Variants in BDP1 observed in about 807,000 individuals in gnomAD.
BDP1 encodes transcription factor TFIIIB component B'' homolog.
BDP1 carries 169 observed loss-of-function variants against 266.6 expected under a neutral mutation model. The observed-to-expected ratio is 0.63, with a 90% CI of 0.56 to 0.72. BDP1 has a LOEUF of 0.72. Among genes scored for constraint, BDP1 ranks in the 30% least tolerant of loss-of-function variants. BDP1 has a pLI of 0.00. For synonymous variants in BDP1, 1,090 were observed against 1,022.4 expected (o/e 1.07, Z -1.26); for missense variants, 3,015 against 3,053.8 (o/e 0.99, Z 0.30).
Position 71,489,664 on chromosome 5 carries a change from A to G in BDP1, c.1474A>G (p.Lys492Glu), listed in dbSNP as rs749800882. ...ENATVQAGPS[K>E]GEKHKNKCQA... ...TGCCACTGTTCAGGCGGGTCCTTCT[A>G]AAGGAGAAAAACACAAGAGTAAGTT... The change falls in exon 10 of 39, where the codon AAA becomes GAA. Residue 492 changes from lysine (K) to glutamate (E), a missense_variant. Transcript: ENST00000358731. 4.0e-5 allele frequency: 64 copies of G among 1,606,216 alleles called. No individual in the cohort carries two copies. The highest frequency in any genetic ancestry group is 5.3e-5 in the Non-Finnish European group (63 of 1,178,128).
At position 71,464,054 on chromosome 5, in the gene BDP1, A is replaced by G. The variant is rs568147182; in HGVS notation, c.600-4A>G. ...TTAAAGATATTGTTATTTATGTTCA[A>G]TAGTTCTTCACTGGAACAAGAAAAG... On this transcript the variant is annotated splice_region_variant and splice_polypyrimidine_tract_variant and intron_variant, in intron 3 of 38. Coordinates refer to ENST00000358731, the MANE Select transcript of BDP1 (RefSeq NM_018429.3). The G allele has an allele frequency of 4.2e-5, 64 of 1,520,828 alleles. 1 individual carries two copies. The South Asian group carries it at 5.5e-4, about 13-fold the overall frequency. 94.2% of individuals were successfully genotyped at this position (1,520,828 alleles called of 1,614,324 possible). A position where few individuals can be genotyped will look rare whatever the true frequency, so the allele number is the denominator to read the frequency against.
the BDP1 span, among the ~76,000 whole-genome samples, chr5:71,573,188 A>G: frequency 6.6e-6 from 1 of 151,436 alleles, no homozygotes; most frequent in South Asian, 2.1e-4. Flanking sequence ...AGATCGTGCC[A>G]CCGCACTCCA....
At chr5:71,550,157 G>C (rs1742644135) in intron 34 of BDP1, among the ~76,000 whole-genome samples, 1 of 152,130 alleles carries the variant, frequency 6.6e-6, no homozygotes, top group African/African-American at 2.4e-5. Context: ...AGGCCAAGGT[G>C]GGCAGATCAC....
At chr5:71,530,769 T>C (rs1766196610) in intron 25 of BDP1, among the ~76,000 whole-genome samples, 2 of 152,206 alleles carry the variant, frequency 1.3e-5, no homozygotes, top group African/African-American at 4.8e-5. Context: ...ATGTGGTACA[T>C]ACAAATGTAA....
chr5:71,546,895 G>A (rs1184077751), intron 32 of BDP1, among the ~76,000 whole-genome samples: 1 of 151,968 alleles, frequency 6.6e-6, no homozygotes, highest in Non-Finnish European at 1.5e-5. Flanking sequence ...ACCCAGGCTG[G>A]AGTGCAGTGG....
chr5:71,565,027 A>G lies in BDP1; in HGVS notation c.*142A>G. The G allele has an allele frequency of 1.3e-6, 1 of 742,862 alleles. No individual in the cohort carries two copies. Among genetic ancestry groups the G allele is most frequent in the Non-Finnish European group, 2.1e-6 (1 of 473,576 alleles). 46.0% of individuals were successfully genotyped at this position (742,862 alleles called of 1,614,324 possible). A position where few individuals can be genotyped will look rare whatever the true frequency, so the allele number is the denominator to read the frequency against. On this transcript the variant is annotated 3_prime_UTR_variant, in exon 39 of 39. Transcript: ENST00000358731. ...TTGAATACTTAATGAGCTTGATTTG[A>G]AGCTTTTATAATCAGTGGAAAACAT...
At position 71,549,515 on chromosome 5, in the gene BDP1, A is replaced by G; in HGVS notation, c.6904A>G (p.Thr2302Ala). 1 of 1,614,166 alleles carries G rather than the reference A, an allele frequency of 6.2e-7. No individual in the cohort carries two copies. The highest frequency in any genetic ancestry group is 8.5e-7 in the Non-Finnish European group (1 of 1,180,018). ...EIPANAVEEF[T>A]DATAQFMPNP... is the part of the protein sequence containing the mutation. Reference sequence around the variant, plus strand: ...CCCAGCCAATGCAGTAGAAGAATTTACTGATGCCACTGCACAGTTCATGCC... The same window carrying G: ...CCCAGCCAATGCAGTAGAAGAATTTGCTGATGCCACTGCACAGTTCATGCC... The change falls in exon 34 of 39, where the codon ACT becomes GCT. Residue 2302 changes from threonine to alanine, a missense_variant. Thr to Ala is a moderately conservative substitution (Grantham distance 58, BLOSUM62 0). Around this residue, in one of 3 missense-constraint regions of BDP1, gnomAD observed 629 missense variants for 632.5 expected, o/e 0.99. Coordinates refer to ENST00000358731, the MANE Select transcript of BDP1 (RefSeq NM_018429.3).
chr5:71,460,646 G>A (rs1416126827), intron 2 of BDP1, among the ~76,000 whole-genome samples: 9 of 152,188 alleles, frequency 5.9e-5, no homozygotes, highest in African/African-American at 1.9e-4. Context: ...CCTGGAAGGC[G>A]GAGGTTGCAG....
At chr5:71,554,489 G>A (rs1194647436) in intron 35 of BDP1, among the ~76,000 whole-genome samples, 1 of 152,144 alleles carries the variant, frequency 6.6e-6, no homozygotes, top group Non-Finnish European at 1.5e-5. Context: ...TTAAAAGATA[G>A]ACTAGGTATA....
At chr5:71,516,716 A>G (rs1242116209) in intron 21 of BDP1, among the ~76,000 whole-genome samples, 1 of 152,186 alleles carries the variant, frequency 6.6e-6, no homozygotes, top group Non-Finnish European at 1.5e-5. Context: ...TTTTTGCTGT[A>G]TAACATGCTG....
intron 13 of BDP1, among the ~76,000 whole-genome samples, chr5:71,498,321 C>T (rs1170562492): frequency 6.6e-6 from 1 of 152,224 alleles, no homozygotes; most frequent in Non-Finnish European, 1.5e-5. Flanking sequence ...GTTTCTAACT[C>T]CTGGCCTCAA....
chr5:71,496,349 A>G lies in BDP1; in HGVS notation c.1800-921A>G, dbSNP rs553333246. On this transcript the variant is annotated intron_variant, in intron 12 of 38. Coordinates refer to ENST00000358731, the MANE Select transcript of BDP1 (RefSeq NM_018429.3). The stretch of plus-strand genomic sequence containing the variant: ...AAAATGTCAGTCTTTGAAATAGACA[A>G]TACATTCATAGGGTTCAAACATCGA... 3.3e-5 allele frequency among the ~76,000 whole-genome samples: 5 copies of G among 152,270 alleles called. No homozygotes were observed. The East Asian group carries it at 5.8e-4, about 18-fold the overall frequency.
At chr5:71,465,706 A>C (rs1761862428) in intron 4 of BDP1, among the ~76,000 whole-genome samples, 1 of 151,764 alleles carries the variant, frequency 6.6e-6, no homozygotes, top group Non-Finnish European at 1.5e-5. Context: ...CATCGTGAAA[A>C]CCCGTCTCTA....
intron 30 of BDP1, among the ~76,000 whole-genome samples, chr5:71,543,551 T>C (rs918748981): frequency 2.0e-5 from 3 of 152,128 alleles, no homozygotes; most frequent in African/African-American, 4.8e-5. Context: ...CACTGCACTC[T>C]AGCCTGGGTG....
At chr5:71,513,716 AT>A (rs1051992220) in intron 19 of BDP1, among the ~76,000 whole-genome samples, 48 of 151,756 alleles carry the variant, frequency 3.2e-4, no homozygotes, top group Non-Finnish European at 3.7e-4. Flanking sequence ...ATAGTTTTTT[AT>A]TTTTTTTATT....
intron 5 of BDP1, 25 bp from the exon 6 acceptor site, chr5:71,467,329 C>G: frequency 6.5e-7 from 1 of 1,546,872 alleles, no homozygotes; most frequent in African/African-American, 1.4e-5. Flanking sequence ...TAGTATACAT[C>G]TATTTAAAAA....
At position 71,486,878 on chromosome 5, in the gene BDP1, C is replaced by G. The variant is rs533564626; in HGVS notation, c.1213+251C>G. Among the ~76,000 whole-genome samples the G allele has an allele frequency of 4.6e-5, 7 of 152,222 alleles. No homozygotes were observed. The South Asian group carries it at 1.5e-3, about 32-fold the overall frequency. On this transcript the variant is annotated intron_variant, in intron 9 of 38. Transcript: ENST00000358731. ...AGCATAGAGGATAGTTGTAGCCAGT[C>G]AAAGAGCATCAGAATTTGGAGTGTT...
intron 9 of BDP1, among the ~76,000 whole-genome samples, chr5:71,487,271 T>C (rs1374443483): frequency 6.6e-6 from 1 of 152,166 alleles, no homozygotes; most frequent in South Asian, 2.1e-4. Flanking sequence ...AGACAGAGTT[T>C]CGCTCTGTTG....
chr5:71,463,534 A>G (rs537518198), intron 3 of BDP1, among the ~76,000 whole-genome samples: 2 of 152,168 alleles, frequency 1.3e-5, no homozygotes, highest in East Asian at 1.9e-4. Context: ...GGATAAGAAC[A>G]TTCTCTGTTG....
Sources: allele counts gnomAD v4.1 joint callset (sites outside exome capture counted in the v4.1 genomes callset), GRCh38; gene constraint gnomAD v4.1.1; regional missense constraint gnomAD v4.1.1; transcripts MANE v1.5; gene names NCBI Gene and HGNC (gene_info 2026-07-23, HGNC 2026-07-21).